Variants in RAPGEF6 observed in about 807,000 individuals in gnomAD.
RAPGEF6 encodes Rap guanine nucleotide exchange factor 6.
A neutral mutation model predicts 171.4 loss-of-function variants in RAPGEF6; 56 were observed. The observed-to-expected ratio is 0.33, with a 90% CI of 0.26 to 0.41. The LOEUF is 0.41. RAPGEF6 is among the 10% of genes least tolerant of loss of function. RAPGEF6 has a pLI of 1.00. For synonymous variants in RAPGEF6, 692 were observed against 650.1 expected (o/e 1.06, Z -0.98); for missense variants, 1,674 against 1,921.4 (o/e 0.87, Z 2.41).
intron 3 of RAPGEF6, among the ~76,000 whole-genome samples, chr5:131,597,330 G>T (rs149191916): frequency 1.2e-3 from 179 of 151,702 alleles, no homozygotes; most frequent in African/African-American, 4.1e-3. Context: ...AAAAAAAATG[G>T]AACTTCTAGG....
chr5:131,544,885 G>A (rs1760408342), intron 6 of RAPGEF6, among the ~76,000 whole-genome samples: 1 of 152,084 alleles, frequency 6.6e-6, no homozygotes, highest in African/African-American at 2.4e-5. Flanking sequence ...GTTTCACCAT[G>A]TTAGCCAGAC....
chr5:131,493,654 T>C (rs926978569), intron 13 of RAPGEF6, among the ~76,000 whole-genome samples: 7 of 152,128 alleles, frequency 4.6e-5, no homozygotes, highest in Non-Finnish European at 1.0e-4. Context: ...GCAAATCTCA[T>C]GTCCATAACA....
At chr5:131,452,201 C>T (rs1183083972) in intron 21 of RAPGEF6, among the ~76,000 whole-genome samples, 4 of 135,244 alleles carry the variant, frequency 3.0e-5, no homozygotes, top group Admixed American at 7.9e-5. Context: ...GCCTGGGCGA[C>T]AGAGCGAGAC....
At chr5:131,548,800 A>C (rs1760718320) in intron 5 of RAPGEF6, among the ~76,000 whole-genome samples, 2 of 152,206 alleles carry the variant, frequency 1.3e-5, no homozygotes, top group African/African-American at 4.8e-5. Context: ...CTTTGTAGAC[A>C]AAGAAAAACC....
In RAPGEF6 at chr5:131,574,683, A is replaced by G. The variant is rs774517566; in HGVS notation, c.282-12636T>C. Among the ~76,000 whole-genome samples the G allele has an allele frequency of 8.6e-5, 13 of 151,834 alleles. No individual in the cohort carries two copies. The South Asian group carries it at 2.7e-3, about 32-fold the overall frequency. On this transcript the variant is annotated intron_variant, in intron 4 of 27. Coordinates refer to ENST00000509018, the MANE Select transcript of RAPGEF6 (RefSeq NM_016340.6). ...CTGACTATTCCTGGACTACAGCCACACCTCATTGCTGCCCTTTTACCCGAT... is the reference window on the plus strand; with the variant it reads ...CTGACTATTCCTGGACTACAGCCACGCCTCATTGCTGCCCTTTTACCCGAT...
At chr5:131,591,715 T>TAACTAGTG (rs1311788823) in intron 4 of RAPGEF6, among the ~76,000 whole-genome samples, 2 of 152,224 alleles carry the variant, frequency 1.3e-5, no homozygotes, top group Non-Finnish European at 2.9e-5. Context: ...CAAAGTCACA[T>TAACTAGTG]AACTAGTGAT....
intron 22 of RAPGEF6, among the ~76,000 whole-genome samples, chr5:131,442,852 A>G (rs1752472790): frequency 6.6e-6 from 1 of 152,062 alleles, no homozygotes; most frequent in Non-Finnish European, 1.5e-5. Context: ...CAATGGTGCA[A>G]TCTTGGCTTA....
chr5:131,491,357 A>G (rs1346635051), intron 14 of RAPGEF6, among the ~76,000 whole-genome samples: 2 of 152,230 alleles, frequency 1.3e-5, no homozygotes, highest in African/African-American at 4.8e-5. Flanking sequence ...CATAATATGA[A>G]TGAGCTCATA....
At chr5:131,605,093 T>C (rs1007354615) in intron 1 of RAPGEF6, among the ~76,000 whole-genome samples, 8 of 152,226 alleles carry the variant, frequency 5.3e-5, no homozygotes, top group Non-Finnish European at 7.3e-5. Flanking sequence ...TCTTAAAATA[T>C]GACTTTCTAA....
intron 1 of RAPGEF6, among the ~76,000 whole-genome samples, chr5:131,623,089 T>G (rs1356260902): frequency 6.6e-6 from 1 of 152,162 alleles, no homozygotes; most frequent in Non-Finnish European, 1.5e-5. Flanking sequence ...CAAAAAAACT[T>G]CTTCTAAGTA....
rs1391024575 is a variant in RAPGEF6 at position 131,425,232 on chromosome 5, A to G, written c.*2034T>C. The G allele has an allele frequency of 6.6e-6, 1 of 152,388 alleles. No individual in the cohort carries two copies. Among genetic ancestry groups the G allele is most frequent in the Non-Finnish European group, 1.5e-5 (1 of 68,038 alleles). 9.4% of individuals were successfully genotyped at this position (152,388 alleles called of 1,614,324 possible). On this transcript the variant is annotated 3_prime_UTR_variant, in exon 28 of 28. Coordinates refer to ENST00000509018, the MANE Select transcript of RAPGEF6 (RefSeq NM_016340.6). ...AAGGACAAAGACAGGTAAGGCTTCCATTTGGTTTGAAAGACCTGCTAAATA... is the reference window on the plus strand; with the variant it reads ...AAGGACAAAGACAGGTAAGGCTTCCGTTTGGTTTGAAAGACCTGCTAAATA...
intron 19 of RAPGEF6, among the ~76,000 whole-genome samples, chr5:131,459,605 A>C (rs532228788): frequency 7.5e-4 from 115 of 152,358 alleles, no homozygotes; most frequent in South Asian, 6.4e-3. Flanking sequence ...AAATAGCCAA[A>C]GTCTGGAAAT....
intron 19 of RAPGEF6, among the ~76,000 whole-genome samples, chr5:131,459,885 T>C (rs994921155): frequency 2.0e-5 from 3 of 152,174 alleles, no homozygotes; most frequent in African/African-American, 7.2e-5. Context: ...GTGTACTCTT[T>C]ATCTTTAAAA....
At chr5:131,485,468 T>C (rs553176044) in intron 15 of RAPGEF6, among the ~76,000 whole-genome samples, 1 of 152,284 alleles carries the variant, frequency 6.6e-6, no homozygotes, top group East Asian at 1.9e-4. Context: ...GCAGTGTCAC[T>C]TTTCTCCACA....
At chr5:131,630,024 C>T (rs1029010169) in intron 1 of RAPGEF6, among the ~76,000 whole-genome samples, 1 of 152,138 alleles carries the variant, frequency 6.6e-6, no homozygotes, top group African/African-American at 2.4e-5. Context: ...GGACTGACAC[C>T]AATTTTGAAA....
chr5:131,453,320 C>A, intron 20 of RAPGEF6, 143 bp from the exon 21 acceptor site: 1 of 1,369,040 alleles, frequency 7.3e-7, no homozygotes. Context: ...CTGGTATACC[C>A]ATACATGGTT....
At chr5:131,535,085 C>T (rs187149817) in intron 6 of RAPGEF6, among the ~76,000 whole-genome samples, 30 of 152,250 alleles carry the variant, frequency 2.0e-4, no homozygotes, top group African/African-American at 6.7e-4. Context: ...TAAACACCAA[C>T]TCAGTAAAGG....
At chr5:131,559,462 C>T (rs113141145) in intron 5 of RAPGEF6, among the ~76,000 whole-genome samples, 1 of 152,056 alleles carries the variant, frequency 6.6e-6, no homozygotes, top group African/African-American at 2.4e-5. Context: ...GATTGTGTAA[C>T]CTTGATACAA....
intron 12 of RAPGEF6, 64 bp downstream of exon 12, chr5:131,498,379 C>T (rs1365075680): frequency 1.4e-6 from 2 of 1,422,264 alleles, no homozygotes; most frequent in Admixed American, 2.2e-5. Context: ...AATCTATCAA[C>T]TATAAAAGTT....
Sources: allele counts gnomAD v4.1 joint callset (sites outside exome capture counted in the v4.1 genomes callset), GRCh38; gene constraint gnomAD v4.1.1; transcripts MANE v1.5; gene names NCBI Gene and HGNC (gene_info 2026-07-23, HGNC 2026-07-21).